The following ERBB4 variants were observed in gnomAD, a reference collection of about 807,000 sequenced individuals.
The protein encoded by ERBB4 is erb-b2 receptor tyrosine kinase 4.
Under a neutral mutation model 158.0 loss-of-function variants are expected in ERBB4, and 42 were observed. The ratio of observed to expected loss-of-function variants is 0.27; its 90% CI spans 0.21 to 0.34. The LOEUF (loss-of-function observed/expected upper bound fraction) is 0.34, where lower values mean the gene tolerates loss of function less well. Among genes scored for constraint, ERBB4 ranks in the 10% least tolerant of loss-of-function variants. The probability of loss-of-function intolerance (pLI) is 1.00; values close to 1 mark genes in which losing one functional copy is unlikely to be tolerated. For missense variants in ERBB4, 1,333 were observed against 1,624.1 expected (o/e 0.82, Z 3.08); for synonymous variants, 583 against 558.7 (o/e 1.04, Z -0.61).
At chr2:212,143,889 C>T (rs566414678) in intron 1 of ERBB4, among the ~76,000 whole-genome samples, 2 of 151,998 alleles carry the variant, frequency 1.3e-5, no homozygotes, top group Admixed American at 1.3e-4. Context: ...TGTGGTGACG[C>T]ATGCCTGTAG....
intron 1 of ERBB4, among the ~76,000 whole-genome samples, chr2:212,345,651 T>G (rs926506238): frequency 6.6e-5 from 10 of 152,188 alleles, no homozygotes; most frequent in Admixed American, 5.9e-4. Context: ...ATATAGTTAT[T>G]CTCTATTAAC....
chr2:211,976,858 C>G (rs998382521), intron 2 of ERBB4, among the ~76,000 whole-genome samples: 1 of 151,998 alleles, frequency 6.6e-6, no homozygotes, highest in Non-Finnish European at 1.5e-5. Context: ...ATGACTTACA[C>G]GTTGCAAGAA....
chr2:211,846,782 G>T (rs758294180), intron 3 of ERBB4, among the ~76,000 whole-genome samples: 1 of 151,944 alleles, frequency 6.6e-6, no homozygotes. Flanking sequence ...AAGTCTGAAG[G>T]CAATGCTGAT....
At chr2:211,607,045 C>G (rs1269684268) in intron 19 of ERBB4, among the ~76,000 whole-genome samples, 1 of 152,066 alleles carries the variant, frequency 6.6e-6, no homozygotes, top group Non-Finnish European at 1.5e-5. Context: ...AGACATATTC[C>G]TGATTCACCA....
chr2:211,430,934 A>AAGAT lies in ERBB4; in HGVS notation c.2643+7_2643+10dup. 1 of 1,610,066 alleles carries AAGAT rather than the reference A, an allele frequency of 6.2e-7. No individual in the cohort carries two copies. On this transcript the variant is annotated intron_variant, in intron 21 of 27. Coordinates refer to ENST00000342788, the MANE Select transcript of ERBB4 (RefSeq NM_005235.3). ...ATTTTCAAGCAAGATTGCTCTCAAA[A>AAGAT]AGATACCCACCTTTCCTCCATCAGC... is the stretch of plus-strand genomic sequence containing the variant.
chr2:211,636,785 C>A (rs1441196158), intron 16 of ERBB4, among the ~76,000 whole-genome samples: 1 of 151,854 alleles, frequency 6.6e-6, no homozygotes, highest in Admixed American at 6.6e-5. Context: ...TTCAGTTTAC[C>A]TCTATGAAAG....
At chr2:211,641,622 A>G (rs897238870) in intron 16 of ERBB4, among the ~76,000 whole-genome samples, 1 of 152,102 alleles carries the variant, frequency 6.6e-6, no homozygotes, top group African/African-American at 2.4e-5. Flanking sequence ...AGACAATTAA[A>G]CATAGATACT....
chr2:212,006,605 C>T lies in ERBB4; in HGVS notation c.235-58989G>A, dbSNP rs188109120. ...AGCCTGAATTTTTAATTCTAAAACC[C>T]AAAACTCAGGCAAATAAACTTATTA... On this transcript the variant is annotated intron_variant, in intron 2 of 27. Transcript: ENST00000342788. Among the ~76,000 whole-genome samples, 39 of 151,936 alleles carry T rather than the reference C, an allele frequency of 2.6e-4. No individual in the cohort carries two copies. In the South Asian group the frequency reaches 5.6e-3, roughly 22 times the overall value.
chr2:212,151,969 T>C (rs2125630151), intron 1 of ERBB4, among the ~76,000 whole-genome samples: 1 of 152,330 alleles, frequency 6.6e-6, no homozygotes, highest in East Asian at 1.9e-4. Context: ...AGTTCCACTC[T>C]TTATTCTAGG....
Position 211,386,876 on chromosome 2 carries a change from G to C in ERBB4, c.3458C>G (p.Pro1153Arg). ...GELDEEGYMT[P>R]MRDKPKQEYL... is the part of the protein sequence containing the mutation. ...ACCTTGTTTGGGTTTGTCTCGCATA[G>C]GAGTCATGTAACCTTCCTCATCCAG... The change falls in exon 27 of 28, where the codon CCT becomes CGT. Residue 1153 changes from proline to arginine, a missense_variant. Physicochemically the swap from Pro to Arg is moderately radical, Grantham distance 103 (BLOSUM62 -2). This residue lies in a region of ERBB4 where 252 missense variants were observed against 241.3 expected (regional missense o/e 1.04). Transcript: ENST00000342788. 6.2e-7 allele frequency: 1 copy of C among 1,614,126 alleles called. No homozygotes were observed. The highest frequency in any genetic ancestry group is 1.1e-5 in the South Asian group (1 of 91,078).
rs149474834 is a variant in ERBB4, at chr2:212,320,116, C to T, written c.83-195213G>A. 5.8e-3 allele frequency among the ~76,000 whole-genome samples: 871 copies of T among 149,986 alleles called. 13 individuals are homozygous for T. Among genetic ancestry groups the T allele is most frequent in the African/African-American group, 0.017 (716 of 41,246 alleles). ...ATTGTACTGAGGTGAGGGAAAATTA[C>T]GGATTAGGGTTCCAGGTTTGCGGGA... On this transcript the variant is annotated intron_variant, in intron 1 of 27. Transcript: ENST00000342788.
intron 1 of ERBB4, among the ~76,000 whole-genome samples, chr2:212,232,258 T>G (rs2083692212): frequency 6.6e-6 from 1 of 152,228 alleles, no homozygotes; most frequent in South Asian, 2.1e-4. Flanking sequence ...TGCTTAAATA[T>G]TCTAACCTTA....
intron 3 of ERBB4, among the ~76,000 whole-genome samples, chr2:211,927,698 C>T (rs182430512): frequency 6.6e-6 from 1 of 151,838 alleles, no homozygotes; most frequent in Admixed American, 6.6e-5. Flanking sequence ...AGGTTCTACA[C>T]TTAACTCGCA....
chr2:211,710,597 T>C (rs1434195741), intron 9 of ERBB4, among the ~76,000 whole-genome samples: 1 of 152,152 alleles, frequency 6.6e-6, no homozygotes, highest in African/African-American at 2.4e-5. Flanking sequence ...GCTTTGGCTA[T>C]GTCCTCATCA....
At chr2:212,441,341 G>C (rs971426425) in intron 1 of ERBB4, among the ~76,000 whole-genome samples, 1 of 152,128 alleles carries the variant, frequency 6.6e-6, no homozygotes, top group Non-Finnish European at 1.5e-5. Flanking sequence ...CCTGCTCTGC[G>C]GGAGGCAATG....
intron 20 of ERBB4, among the ~76,000 whole-genome samples, chr2:211,560,946 A>C (rs1048441807): frequency 1.2e-4 from 18 of 152,188 alleles, no homozygotes; most frequent in African/African-American, 3.6e-4. Flanking sequence ...TTATTTTGGC[A>C]TTTATATTGT....
At chr2:212,122,763 C>G (rs962570342) in intron 2 of ERBB4, among the ~76,000 whole-genome samples, 4 of 151,454 alleles carry the variant, frequency 2.6e-5, no homozygotes, top group Non-Finnish European at 4.4e-5. Context: ...CTTACAAGAC[C>G]ATAAGAATTA....
intron 3 of ERBB4, among the ~76,000 whole-genome samples, chr2:211,867,711 T>C (rs1055871327): frequency 2.0e-5 from 3 of 152,200 alleles, no homozygotes; most frequent in Non-Finnish European, 2.9e-5. Context: ...TATAGGTGTG[T>C]ATCTCCATGC....
At chr2:211,857,157 GTT>G in intron 3 of ERBB4, among the ~76,000 whole-genome samples, 1 of 131,602 alleles carries the variant, frequency 7.6e-6, no homozygotes, top group Non-Finnish European at 1.8e-5. Flanking sequence ...CTCTGTGTGT[GTT>G]TGTGTGTGTG....
Sources: allele counts gnomAD v4.1 joint callset (sites outside exome capture counted in the v4.1 genomes callset), GRCh38; gene constraint gnomAD v4.1.1; regional missense constraint gnomAD v4.1.1; transcripts MANE v1.5; gene names NCBI Gene and HGNC (gene_info 2026-07-23, HGNC 2026-07-21).